Variants in GALNTL6 observed in about 807,000 individuals in gnomAD.
GALNTL6 encodes polypeptide N-acetylgalactosaminyltransferase like 6.
In GALNTL6, 46 loss-of-function variants were observed where a neutral mutation model predicts 73.7. That is an observed-to-expected ratio of 0.62 (90% confidence interval 0.49 to 0.80). The LOEUF (loss-of-function observed/expected upper bound fraction) is 0.80, where lower values mean the gene tolerates loss of function less well. Among genes scored for constraint, GALNTL6 ranks in the 30% least tolerant of loss-of-function variants. The pLI is 0.00. For synonymous variants in GALNTL6, 259 were observed against 263.7 expected (o/e 0.98, Z 0.17); for missense variants, 604 against 755.0 (o/e 0.80, Z 2.34).
At chr4:172,736,487 G>C (rs1158279186) in intron 5 of GALNTL6, among the ~76,000 whole-genome samples, 1 of 152,200 alleles carries the variant, frequency 6.6e-6, no homozygotes, top group African/African-American at 2.4e-5. Context: ...AAGGTGCCCA[G>C]ATTTCACATT....
chr4:171,896,572 A>C (rs1358282397), intron 2 of GALNTL6, among the ~76,000 whole-genome samples: 1 of 152,218 alleles, frequency 6.6e-6, no homozygotes, highest in Non-Finnish European at 1.5e-5. Flanking sequence ...GTAAAAGCCA[A>C]CTTTCCAATT....
chr4:172,587,704 G>A (rs1737467975), intron 5 of GALNTL6, among the ~76,000 whole-genome samples: 1 of 152,054 alleles, frequency 6.6e-6, no homozygotes, highest in South Asian at 2.1e-4. Context: ...TCCAGGATCG[G>A]CTCTAGCAAT....
At chr4:172,490,175 CAGAA>C (rs1425721357) in intron 5 of GALNTL6, among the ~76,000 whole-genome samples, 5 of 152,010 alleles carry the variant, frequency 3.3e-5, no homozygotes, top group African/African-American at 9.7e-5. Flanking sequence ...GAAGCAGCAT[CAGAA>C]AGAGTCTATT....
chr4:172,734,330 G>T (rs938762522), intron 5 of GALNTL6, among the ~76,000 whole-genome samples: 2 of 152,166 alleles, frequency 1.3e-5, no homozygotes, highest in African/African-American at 2.4e-5. Context: ...AAGTAACAAG[G>T]TTCAAAATGC....
intron 2 of GALNTL6, among the ~76,000 whole-genome samples, chr4:172,174,456 T>C (rs1477803313): frequency 6.6e-6 from 1 of 152,310 alleles, no homozygotes; most frequent in African/African-American, 2.4e-5. Flanking sequence ...CTGGCTTCAC[T>C]GGGCACACTG....
At chr4:172,694,618 G>A (rs1257700677) in intron 5 of GALNTL6, among the ~76,000 whole-genome samples, 1 of 152,126 alleles carries the variant, frequency 6.6e-6, no homozygotes, top group Non-Finnish European at 1.5e-5. Context: ...AGTGATCTAT[G>A]GGGGCTGGAA....
chr4:172,095,200 T>TAA (rs11427479), intron 2 of GALNTL6, among the ~76,000 whole-genome samples: 17 of 151,476 alleles, frequency 1.1e-4, no homozygotes, highest in African/African-American at 1.9e-4. Context: ...AAAAGGCAAA[T>TAA]AAAAAAAAGA....
At chr4:172,157,361 T>C (rs1409491716) in intron 2 of GALNTL6, among the ~76,000 whole-genome samples, 1 of 152,188 alleles carries the variant, frequency 6.6e-6, no homozygotes, top group Admixed American at 6.5e-5. Flanking sequence ...TTTCAAACTG[T>C]GAGTCCTACC....
At chr4:172,347,031 A>G (rs908397105) in intron 4 of GALNTL6, among the ~76,000 whole-genome samples, 8 of 126,754 alleles carry the variant, frequency 6.3e-5, no homozygotes, top group African/African-American at 2.5e-4. Flanking sequence ...TCTGTCACCC[A>G]GGCTGGACTG....
At chr4:172,450,750 T>A (rs1732180604) in intron 5 of GALNTL6, among the ~76,000 whole-genome samples, 1 of 152,242 alleles carries the variant, frequency 6.6e-6, no homozygotes, top group Admixed American at 6.5e-5. Flanking sequence ...CATCAGAGAT[T>A]TAACACTTGC....
At chr4:171,870,158 T>TGGACTAA (rs1167168167) in intron 2 of GALNTL6, among the ~76,000 whole-genome samples, 1 of 152,226 alleles carries the variant, frequency 6.6e-6, no homozygotes, top group Non-Finnish European at 1.5e-5. Context: ...TGTAAATAGC[T>TGGACTAA]GCATTACCAC....
At chr4:172,514,342 C>A (rs446013) in intron 5 of GALNTL6, among the ~76,000 whole-genome samples, 150,870 of 152,256 alleles carry the variant, frequency 0.99, 74,770 homozygotes, top group Middle Eastern at 1. Context: ...CTGCTGCATC[C>A]TACAGGTCAC....
chr4:172,338,082 T>A (rs28441007), intron 4 of GALNTL6, among the ~76,000 whole-genome samples: 5,103 of 152,282 alleles, frequency 0.034, 284 homozygotes, highest in African/African-American at 0.11. Flanking sequence ...TCTTCAACTG[T>A]ATTTTGAAAT....
chr4:172,561,852 G>A (rs1736384478), intron 5 of GALNTL6, among the ~76,000 whole-genome samples: 1 of 152,128 alleles, frequency 6.6e-6, no homozygotes, highest in South Asian at 2.1e-4. Context: ...GAGAACTAGT[G>A]TGTGAATATA....
intron 3 of GALNTL6, among the ~76,000 whole-genome samples, chr4:172,285,731 C>T (rs1313197702): frequency 6.6e-6 from 1 of 152,204 alleles, no homozygotes; most frequent in Non-Finnish European, 1.5e-5. Context: ...ACAAGCCAAG[C>T]TCTTTCCTGT....
chr4:172,243,217 A>G (rs957956379), intron 3 of GALNTL6, among the ~76,000 whole-genome samples: 3 of 152,138 alleles, frequency 2.0e-5, no homozygotes, highest in Admixed American at 6.6e-5. Context: ...CACTTCTCAT[A>G]CATATCTTCA....
chr4:172,908,914 G>C (rs1747053105), intron 8 of GALNTL6, among the ~76,000 whole-genome samples: 1 of 151,804 alleles, frequency 6.6e-6, no homozygotes, highest in African/African-American at 2.4e-5. Flanking sequence ...GCTAAGCTAA[G>C]TGCTTCTAGT....
Position 172,409,979 on chromosome 4 carries a change from T to C in GALNTL6, c.553+61290T>C, listed in dbSNP as rs192332270. 5.9e-4 allele frequency among the ~76,000 whole-genome samples: 90 copies of C among 152,158 alleles called. 1 individual carries two copies. In the East Asian group the frequency reaches 0.016, roughly 27 times the overall value. ...TGTGAAACAGGTAGAAACCAAGGTT[T>C]ATAAATGTGACAAAAATTTATTTCT... On this transcript the variant is annotated intron_variant, in intron 5 of 12. Transcript: ENST00000506823.
intron 8 of GALNTL6, among the ~76,000 whole-genome samples, chr4:172,892,236 G>C (rs192343911): frequency 3.1e-4 from 47 of 152,300 alleles, no homozygotes; most frequent in African/African-American, 1.1e-3. Flanking sequence ...TGAATTGCCT[G>C]AGCCCTTCTC....
Sources: allele counts gnomAD v4.1 joint callset (sites outside exome capture counted in the v4.1 genomes callset), GRCh38; gene constraint gnomAD v4.1.1; transcripts MANE v1.5; gene names NCBI Gene and HGNC (gene_info 2026-07-23, HGNC 2026-07-21).